KCNH4: variants seen among roughly 807,000 people sequenced by gnomAD.
KCNH4 encodes the protein voltage-gated delayed rectifier potassium channel KCNH4.
In KCNH4, 33 loss-of-function variants were observed where a neutral mutation model predicts 90.7. That is an observed-to-expected ratio of 0.36 (90% CI 0.28 to 0.49). The LOEUF is 0.49. Among genes scored for constraint, KCNH4 ranks in the 20% least tolerant of loss-of-function variants. KCNH4 has a pLI of 0.98. For synonymous variants in KCNH4, 551 were observed against 581.7 expected, an observed-to-expected ratio of 0.95 and a Z score of 0.76; for missense variants, 1,044 against 1,387.1, an observed-to-expected ratio of 0.75 and a Z score of 3.93.
intron 9 of KCNH4, among the ~76,000 whole-genome samples, chr17:42,167,329 C>T (rs370380877): frequency 5.8e-4 from 89 of 152,170 alleles, no homozygotes; most frequent in African/African-American, 2.0e-3. Flanking sequence ...TGCAGTGGCA[C>T]GATCTCAGCT....
chr17:42,165,606 C>G lies in KCNH4; in HGVS notation c.1928G>C (p.Ser643Thr), dbSNP rs1382251110. 3 of 1,614,204 alleles carry G rather than the reference C, an allele frequency of 1.9e-6. No homozygotes were observed. The highest frequency in any genetic ancestry group is 1.7e-6 in the Non-Finnish European group (2 of 1,180,036). ...GTAGGTCAGAGCTTTCACATCAGCA[C>G]TGGTCTTTAGCACGAAGTTTGGGTC... ...GADPNFVLKT[S>T]ADVKALTYCG... The change falls in exon 11 of 17, where the codon AGT becomes ACT. Residue 643 changes from serine to threonine, a missense_variant. Coordinates refer to ENST00000264661, the MANE Select transcript of KCNH4 (RefSeq NM_012285.3).
At chr17:42,178,704 A>G in intron 2 of KCNH4, 89 bp downstream of exon 2, 3 of 1,249,950 alleles carry the variant, frequency 2.4e-6, no homozygotes, top group Non-Finnish European at 3.4e-6. Flanking sequence ...CAGTGTGGGG[A>G]CAAGCACTCA....
At chr17:42,169,288 C>T (rs1042272528) in intron 9 of KCNH4, among the ~76,000 whole-genome samples, 189 bp downstream of exon 9, 9 of 151,994 alleles carry the variant, frequency 5.9e-5, no homozygotes, top group Non-Finnish European at 1.3e-4. Flanking sequence ...CCATGTCGCC[C>T]AGGCTGGTCT....
At chr17:42,157,140 G>C (rs1003695084) in intron 16 of KCNH4, 22 bp from the exon 17 acceptor site, 1 of 152,266 alleles carries the variant, frequency 6.6e-6, no homozygotes, top group Non-Finnish European at 1.5e-5. Flanking sequence ...CAGAAACAGA[G>C]ATGTTGACAG....
rs765504846 is a variant in KCNH4 at position 42,166,420 on chromosome 17, T to G, written c.1717A>C (p.Lys573Gln). The G allele has an allele frequency of 6.2e-7, 1 of 1,614,056 alleles. No homozygotes were observed. The highest frequency in any genetic ancestry group is 1.1e-5 in the South Asian group (1 of 91,082). Residue 573 changes from lysine to glutamine, a missense_variant, in exon 10 of 17, where the codon AAG (lysine) becomes CAG (glutamine). Physicochemically the swap from Lys to Gln is moderately conservative, Grantham distance 53 (BLOSUM62 1). Coordinates refer to ENST00000264661, the MANE Select transcript of KCNH4 (RefSeq NM_012285.3). Reference protein sequence around the residue: ...GCLRALSLHIKTSFCAPGEYL... With the variant: ...GCLRALSLHIQTSFCAPGEYL... Reference sequence around the variant, plus strand: ...TCGCCCGGAGCGCAGAACGAGGTCTTGATGTGCAGCGATAGGGCCCGCAGG... The same window carrying G: ...TCGCCCGGAGCGCAGAACGAGGTCTGGATGTGCAGCGATAGGGCCCGCAGG...
chr17:42,178,769 G>T, intron 2 of KCNH4, 24 bp downstream of exon 2: 4 of 1,587,828 alleles, frequency 2.5e-6, no homozygotes, highest in Non-Finnish European at 3.4e-6. Context: ...AGGCAGAGCT[G>T]CAGGGTGGGG....
chr17:42,176,032 TG>T, intron 5 of KCNH4, 21 bp downstream of exon 5: 1 of 1,567,468 alleles, frequency 6.4e-7, no homozygotes, highest in Non-Finnish European at 8.7e-7. Context: ...CCCACCAGGG[TG>T]GGTGAGGCAG....
chr17:42,176,064 G>A lies in KCNH4; in HGVS notation c.819C>T (p.Leu273=). The A allele has an allele frequency of 6.2e-7, 1 of 1,606,562 alleles. No individual in the cohort carries two copies. The highest frequency in any genetic ancestry group is 8.5e-7 in the Non-Finnish European group (1 of 1,174,514). The change falls in exon 5 of 17, where the codon CTC becomes CTT. Residue 273 remains leucine, a synonymous_variant. Transcript: ENST00000264661. ...GGCAGAAGGTCTGACCTAGGATGAA[G>A]AGCATTTCCACGGCGATGTCGCTGA... ...TLVSDIAVEM[L]FILDIILNFR...
chr17:42,178,119 C>A lies in KCNH4; in HGVS notation c.566G>T (p.Gly189Val), dbSNP rs540117535. The change falls in exon 4 of 17, where the codon GGA becomes GTA. Residue 189 changes from glycine (G) to valine (V), a missense_variant. Coordinates refer to ENST00000264661, the MANE Select transcript of KCNH4 (RefSeq NM_012285.3). ...ACTCACATTATTGGCCTTCATGCCT[C>A]CCTGGCCCCGGCGGCCAAAGTGGCC... is the stretch of plus-strand genomic sequence containing the variant. ...LTGHFGRRGQ[G>V]GMKANNNVFE... 6.2e-7 allele frequency: 1 copy of A among 1,614,096 alleles called. No individual in the cohort carries two copies. The highest frequency in any genetic ancestry group is 2.2e-5 in the East Asian group (1 of 44,880).
chr17:42,160,311 G>A lies in KCNH4; in HGVS notation c.2783C>T (p.Pro928Leu). The A allele has an allele frequency of 6.2e-7, 1 of 1,614,102 alleles. No individual in the cohort carries two copies. The highest frequency in any genetic ancestry group is 8.5e-7 in the Non-Finnish European group (1 of 1,179,960). Reference protein sequence around the residue: ...PAGSAWTPDPPCPQLRPPCLS... With the variant: ...PAGSAWTPDPLCPQLRPPCLS... ...GCATGGTGGCCTCAGCTGTGGACAA[G>A]GAGGGTCTGGGGTCCAAGCGGAGCC... Residue 928 changes from proline to leucine, a missense_variant, in exon 16 of 17, where the codon CCT becomes CTT. Around this residue, in one of 4 missense-constraint regions of KCNH4, gnomAD observed 441 missense variants for 512.3 expected, o/e 0.86. Coordinates refer to ENST00000264661, the MANE Select transcript of KCNH4 (RefSeq NM_012285.3).
intron 7 of KCNH4, 98 bp downstream of exon 7, chr17:42,171,690 G>T: frequency 9.6e-7 from 1 of 1,040,708 alleles, no homozygotes; most frequent in Non-Finnish European, 1.5e-6. Context: ...ATGGATAGAG[G>T]AATGTGGGAT....
rs937975937 is a variant in KCNH4, at chr17:42,163,077, G to A, written c.2584+151C>T. On this transcript the variant is annotated intron_variant, in intron 14 of 16. Coordinates refer to ENST00000264661, the MANE Select transcript of KCNH4 (RefSeq NM_012285.3). The surrounding 1 kb of genome is among the most constrained non-coding windows in gnomAD (Gnocchi z 5.4). Reference sequence around the variant, plus strand: ...TGTGTACAGAGGTGTCTCCCTGCTAGACTTACTCCAAGAGCGTGGGCCAGG... The same window carrying A: ...TGTGTACAGAGGTGTCTCCCTGCTAAACTTACTCCAAGAGCGTGGGCCAGG... The A allele has an allele frequency of 1.5e-6, 1 of 645,590 alleles. No individual in the cohort carries two copies. The highest frequency in any genetic ancestry group is 2.8e-6 in the Non-Finnish European group (1 of 353,406). 40.0% of individuals were successfully genotyped at this position (645,590 alleles called of 1,614,324 possible).
rs545517423 is a variant in KCNH4 at position 42,161,084 on chromosome 17, G to A, written c.2659-649C>T. Among the ~76,000 whole-genome samples, 10 of 151,968 alleles carry A rather than the reference G, an allele frequency of 6.6e-5. No homozygotes were observed. In the South Asian group the frequency reaches 1.9e-3, roughly 28 times the overall value. ...CGAGACTATAGGTGTGTGCCACCAC[G>A]CCCGGCTAATTTTTTTCGTATTCTT... On this transcript the variant is annotated intron_variant, in intron 15 of 16. Coordinates refer to ENST00000264661, the MANE Select transcript of KCNH4 (RefSeq NM_012285.3).
chr17:42,166,802 C>A (rs988393943), intron 9 of KCNH4, among the ~76,000 whole-genome samples: 4 of 152,156 alleles, frequency 2.6e-5, no homozygotes, highest in African/African-American at 9.7e-5. Flanking sequence ...GTCACTTAAC[C>A]CCATCGTTCA....
At position 42,163,616 on chromosome 17, in the gene KCNH4, G is replaced by A. The variant is rs921484172; in HGVS notation, c.2467C>T (p.Leu823Phe). The A allele has an allele frequency of 5.5e-6, 8 of 1,466,670 alleles. No homozygotes were observed. Among genetic ancestry groups the A allele is most frequent in the Admixed American group, 2.3e-5 (1 of 43,378 alleles). The allele number at this position is 1,466,670 out of a possible 1,614,324, so 90.9% of individuals were successfully genotyped here. ...AGGCTGGCGTCTCACCGGGGACTGA[G>A]GTCCGGAGGTCCAAAGGTTCCCAGT... The part of the protein sequence containing the change: ...PPLGTFGPPD[L>F]SPRIVDGIED... Residue 823 changes from leucine (L) to phenylalanine (F), a missense_variant, in exon 13 of 17, where the codon CTC (leucine) becomes TTC (phenylalanine). Around this residue, in one of 4 missense-constraint regions of KCNH4, gnomAD observed 441 missense variants for 512.3 expected, o/e 0.86. Transcript: ENST00000264661. The surrounding 1 kb of genome is among the most constrained non-coding windows in gnomAD (Gnocchi z 5.4).
In KCNH4 at chr17:42,160,212, C is replaced by T; in HGVS notation, c.2882G>A (p.Ser961Asn). Residue 961 changes from serine (S) to asparagine (N), a missense_variant, in exon 16 of 17, where the codon AGT (serine) becomes AAT (asparagine). Ser to Asn is a conservative substitution (Grantham distance 46, BLOSUM62 1). This residue lies in a region of KCNH4 where 441 missense variants were observed against 512.3 expected (regional missense o/e 0.86). Coordinates refer to ENST00000264661, the MANE Select transcript of KCNH4 (RefSeq NM_012285.3). ...AGTCCCTGTCTCCATGGTCCCCACA[C>T]TGGCTGGGCAGTGAACTTCAGCAAG... ...TTLAEVHCPA[S>N]VGTMETGTAL... 1.9e-6 allele frequency: 3 copies of T among 1,613,986 alleles called. No homozygotes were observed. The highest frequency in any genetic ancestry group is 2.5e-6 in the Non-Finnish European group (3 of 1,179,886).
intron 16 of KCNH4, among the ~76,000 whole-genome samples, chr17:42,157,930 T>G (rs548576247): frequency 7.2e-5 from 11 of 151,972 alleles, no homozygotes; most frequent in African/African-American, 2.4e-4. Flanking sequence ...TTTTATTTAT[T>G]TATTTATTTA....
chr17:42,157,301 G>A (rs965195952), intron 16 of KCNH4, among the ~76,000 whole-genome samples, 183 bp from the exon 17 acceptor site: 5 of 152,168 alleles, frequency 3.3e-5, no homozygotes, highest in African/African-American at 1.2e-4. Flanking sequence ...TGAGGCCCAG[G>A]AATCTGCTTT....
chr17:42,177,041 A>G (rs2079866862), intron 4 of KCNH4, among the ~76,000 whole-genome samples: 1 of 149,630 alleles, frequency 6.7e-6, no homozygotes, highest in Non-Finnish European at 1.5e-5. Flanking sequence ...ACAGGCATGC[A>G]CCACCATAGC....
Sources: allele counts gnomAD v4.1 joint callset (sites outside exome capture counted in the v4.1 genomes callset), GRCh38; gene constraint gnomAD v4.1.1; regional missense constraint gnomAD v4.1.1; non-coding constraint Gnocchi (gnomAD v3.1); transcripts MANE v1.5; gene names NCBI Gene and HGNC (gene_info 2026-07-23, HGNC 2026-07-21).